Variants in STARD6 observed in about 807,000 individuals in gnomAD.
STARD6 encodes stAR-related lipid transfer protein 6.
STARD6 carries 21 observed loss-of-function variants against 22.3 expected under a neutral mutation model. That is an observed-to-expected ratio of 0.94 (90% CI 0.67 to 1.35). The LOEUF is 1.35. Among genes scored for constraint, STARD6 ranks in the 40% most tolerant of loss-of-function variants. The pLI is 0.00. For synonymous variants in STARD6, 80 were observed against 88.1 expected (o/e 0.91, Z 0.52); for missense variants, 269 against 266.9 (o/e 1.01, Z -0.05).
intron 4 of STARD6, among the ~76,000 whole-genome samples, chr18:54,347,764 GAGCT>G: frequency 6.6e-6 from 1 of 152,014 alleles, no homozygotes; most frequent in Non-Finnish European, 1.5e-5. Context: ...GATGAATCCT[GAGCT>G]GTTAGAACTC....
intron 4 of STARD6, among the ~76,000 whole-genome samples, chr18:54,347,886 G>T (rs2089052354): frequency 6.6e-6 from 1 of 152,058 alleles, no homozygotes. Context: ...ATCTTGAATT[G>T]TAGCTCTCAT....
At chr18:54,340,124 A>T (rs2088956877) in intron 4 of STARD6, among the ~76,000 whole-genome samples, 1 of 152,150 alleles carries the variant, frequency 6.6e-6, no homozygotes, top group Non-Finnish European at 1.5e-5. Context: ...TAGATGGGTA[A>T]GATAGAAATA....
chr18:54,352,706 G>A (rs1486438569), intron 4 of STARD6, among the ~76,000 whole-genome samples: 4 of 152,184 alleles, frequency 2.6e-5, no homozygotes, highest in Admixed American at 2.0e-4. Flanking sequence ...GTTTAGTTTT[G>A]CATGTAAGAG....
chr18:54,331,168 A>G (rs143474368), intron 6 of STARD6, among the ~76,000 whole-genome samples: 5 of 152,292 alleles, frequency 3.3e-5, no homozygotes, highest in African/African-American at 7.2e-5. Flanking sequence ...GAGTTATCTT[A>G]AGTTATCTGA....
At chr18:54,340,538 A>T (rs1285959028) in intron 4 of STARD6, among the ~76,000 whole-genome samples, 5 of 152,222 alleles carry the variant, frequency 3.3e-5, no homozygotes, top group Non-Finnish European at 7.4e-5. Context: ...ATAAATTTTT[A>T]AAATACAGGA....
intron 5 of STARD6, among the ~76,000 whole-genome samples, chr18:54,336,204 T>G (rs1346176386): frequency 3.3e-5 from 5 of 152,236 alleles, no homozygotes; most frequent in Non-Finnish European, 7.3e-5. Context: ...ACTGAGATAA[T>G]GTATTTGAAA....
At chr18:54,326,326 C>CTTTTTT (rs11353724) in intron 7 of STARD6, among the ~76,000 whole-genome samples, 7 of 120,258 alleles carry the variant, frequency 5.8e-5, no homozygotes, top group Non-Finnish European at 8.5e-5. Flanking sequence ...GCTGACAGGT[C>CTTTTTT]TTTTTTTTTT....
At chr18:54,352,130 T>G (rs925051221) in intron 4 of STARD6, among the ~76,000 whole-genome samples, 2 of 125,578 alleles carry the variant, frequency 1.6e-5, no homozygotes, top group African/African-American at 6.3e-5. Context: ...CTTGTTTTTG[T>G]TTTTTTTTTT....
At chr18:54,344,250 G>A (rs2089014037) in intron 4 of STARD6, among the ~76,000 whole-genome samples, 1 of 26,370 alleles carries the variant, frequency 3.8e-5, no homozygotes, top group Non-Finnish European at 6.8e-5. Flanking sequence ...TCTGCCTTGG[G>A]ATCCTGTTGA....
At chr18:54,331,036 T>C (rs2088860970) in intron 6 of STARD6, among the ~76,000 whole-genome samples, 1 of 152,044 alleles carries the variant, frequency 6.6e-6, no homozygotes, top group South Asian at 2.1e-4. Context: ...TGAAATCTTG[T>C]TGGGAAATAA....
At chr18:54,353,819 G>A (rs530165047) in intron 4 of STARD6, 1 of 321,294 alleles carries the variant, frequency 3.1e-6, no homozygotes, top group East Asian at 5.3e-5. Flanking sequence ...CCTATTTAGT[G>A]AATTAGTAAT....
intron 7 of STARD6, among the ~76,000 whole-genome samples, chr18:54,328,651 TG>T (rs1299784160): frequency 2.3e-4 from 35 of 151,522 alleles, no homozygotes; most frequent in Middle Eastern, 3.4e-3. Flanking sequence ...TTTTTTTTTT[TG>T]TACTGAGACA....
chr18:54,324,499 A>G lies in STARD6; in HGVS notation c.*193T>C. 2 of 470,694 alleles carry G rather than the reference A, an allele frequency of 4.2e-6. No homozygotes were observed. Among genetic ancestry groups the G allele is most frequent in the South Asian group, 8.6e-5 (2 of 23,278 alleles). The allele number at this position is 470,694 out of a possible 1,614,324, so 29.2% of individuals were successfully genotyped here. A position where few individuals can be genotyped will look rare whatever the true frequency, so the allele number is the denominator to read the frequency against. Reference sequence around the variant, plus strand: ...TTTAACATCATTCTTACGTGAGATTAAAAACGGTATTTAATGCCATATTCT... The same window carrying G: ...TTTAACATCATTCTTACGTGAGATTGAAAACGGTATTTAATGCCATATTCT... On this transcript the variant is annotated 3_prime_UTR_variant, in exon 8 of 8. Coordinates refer to ENST00000307844, the MANE Select transcript of STARD6 (RefSeq NM_139171.2).
At chr18:54,331,925 C>A in intron 5 of STARD6, 66 bp from the exon 6 acceptor site, 1 of 1,190,642 alleles carries the variant, frequency 8.4e-7, no homozygotes, top group Non-Finnish European at 1.2e-6. Flanking sequence ...ATTGTTTCCC[C>A]CCCAAATTTT....
intron 6 of STARD6, among the ~76,000 whole-genome samples, chr18:54,329,921 A>G (rs1599295643): frequency 6.6e-6 from 1 of 151,704 alleles, no homozygotes; most frequent in South Asian, 2.1e-4. Context: ...ATGGTCTGTC[A>G]GTAAAGGTAC....
At chr18:54,327,130 T>G (rs1404528068) in intron 7 of STARD6, among the ~76,000 whole-genome samples, 2 of 152,246 alleles carry the variant, frequency 1.3e-5, no homozygotes, top group African/African-American at 4.8e-5. Context: ...TATATACAAA[T>G]TGTTTATAAT....
At chr18:54,326,082 T>C (rs2088822115) in intron 7 of STARD6, among the ~76,000 whole-genome samples, 1 of 152,176 alleles carries the variant, frequency 6.6e-6, no homozygotes, top group South Asian at 2.1e-4. Context: ...CTGTTGGAGA[T>C]GTGGGCTTTT....
Position 54,325,554 on chromosome 18 carries a change from CT to C in STARD6, c.480-680del, listed in dbSNP as rs796391910. On this transcript the variant is annotated intron_variant, in intron 7 of 7. Coordinates refer to ENST00000307844, the MANE Select transcript of STARD6 (RefSeq NM_139171.2). ...TATCTTTGTAATGTATCCATTTATGCTTTTTTTTTTTGAGACAGGGTCTTAC... is the reference window on the plus strand; with the variant it reads ...TATCTTTGTAATGTATCCATTTATGCTTTTTTTTTTGAGACAGGGTCTTAC... 8.1e-3 allele frequency among the ~76,000 whole-genome samples: 1,174 copies of C among 144,690 alleles called. 6 individuals are homozygous for C. Among genetic ancestry groups the C allele is most frequent in the African/African-American group, 0.015 (591 of 39,700 alleles). The allele number at this position is 144,690 out of a possible 152,430, so 94.9% of individuals were successfully genotyped here.
intron 4 of STARD6, among the ~76,000 whole-genome samples, chr18:54,351,899 G>GTTTTTTTTTTTTTT (rs60888927): frequency 2.8e-5 from 2 of 70,658 alleles, no homozygotes; most frequent in African/African-American, 1.6e-4. Context: ...ATATTGGTCC[G>GTTTTTTTTTTTTTT]TTTTTTTTTT....
Sources: allele counts gnomAD v4.1 joint callset (sites outside exome capture counted in the v4.1 genomes callset), GRCh38; gene constraint gnomAD v4.1.1; transcripts MANE v1.5; gene names NCBI Gene and HGNC (gene_info 2026-07-23, HGNC 2026-07-21).